Variants in TRAF3IP1 observed in about 807,000 individuals in gnomAD.
TRAF3IP1 encodes the protein intraflagellar transport 54.
In TRAF3IP1, 53 loss-of-function variants were observed where a neutral mutation model predicts 89.9. The ratio of observed to expected loss-of-function variants is 0.59; its 90% CI spans 0.47 to 0.74. The LOEUF (loss-of-function observed/expected upper bound fraction) is 0.74. TRAF3IP1 is among the 30% of genes least tolerant of loss of function. The probability of loss-of-function intolerance (pLI) is 0.00; values close to 1 mark genes in which losing one functional copy is unlikely to be tolerated. For synonymous variants in TRAF3IP1, 311 were observed against 322.1 expected, an observed-to-expected ratio of 0.97 and a Z score of 0.37; for missense variants, 806 against 866.1, an observed-to-expected ratio of 0.93 and a Z score of 0.87.
chr2:238,367,658 C>T (rs1404885959), intron 15 of TRAF3IP1, among the ~76,000 whole-genome samples: 5 of 152,170 alleles, frequency 3.3e-5, no homozygotes, highest in Admixed American at 1.3e-4. Flanking sequence ...GCCACCGAGC[C>T]CTCTCTGTGC....
intron 15 of TRAF3IP1, among the ~76,000 whole-genome samples, chr2:238,390,490 T>C (rs76407111): frequency 0.014 from 2,063 of 152,312 alleles, 27 homozygotes; most frequent in Middle Eastern, 0.031. Context: ...ATAAATACTT[T>C]TTTCACTGTG....
In TRAF3IP1 at chr2:238,399,146, G is replaced by C; in HGVS notation, c.*227G>C. On this transcript the variant is annotated 3_prime_UTR_variant, in exon 17 of 17. Transcript: ENST00000373327. ...GGAATACTGGCTAGTTATAAATAGC[G>C]CTTCCAAACACCTCTGTGAAAAGTT... The C allele has an allele frequency of 2.3e-6, 1 of 426,358 alleles. No homozygotes were observed. The highest frequency in any genetic ancestry group is 4.1e-6 in the Non-Finnish European group (1 of 242,746). 26.4% of individuals were successfully genotyped at this position (426,358 alleles called of 1,614,324 possible). A position where few individuals can be genotyped will look rare whatever the true frequency, so the allele number is the denominator to read the frequency against.
rs866887484 is a variant in TRAF3IP1 at position 238,396,033 on chromosome 2, A to G, written c.1690-1426A>G. 3.4e-3 allele frequency among the ~76,000 whole-genome samples: 525 copies of G among 152,328 alleles called. 2 individuals carry two copies. Among genetic ancestry groups the G allele is most frequent in the Middle Eastern group, 6.8e-3 (2 of 294 alleles). ...ACCCAGCCATCCCATTACTGGGTAT[A>G]TACCCAAAGGATTATAAATCATGCT... On this transcript the variant is annotated intron_variant, in intron 15 of 16. Transcript: ENST00000373327.
chr2:238,353,151 T>TC (rs1559372496), intron 13 of TRAF3IP1, 22 bp from the exon 14 acceptor site: 1 of 1,614,122 alleles, frequency 6.2e-7, no homozygotes, highest in East Asian at 2.2e-5. Context: ...ATCTTCTTTT[T>TC]CCCCCTTCCT....
At chr2:238,358,410 C>T (rs1250281439) in intron 15 of TRAF3IP1, among the ~76,000 whole-genome samples, 1 of 152,146 alleles carries the variant, frequency 6.6e-6, no homozygotes. Context: ...GTGGTGCACA[C>T]TTGTAGTCCC....
chr2:238,384,113 T>C, intron 15 of TRAF3IP1, among the ~76,000 whole-genome samples: 1 of 152,150 alleles, frequency 6.6e-6, no homozygotes, highest in Admixed American at 6.5e-5. Flanking sequence ...GGCACCCTCA[T>C]GCTCCTCCAT....
chr2:238,337,327 ATGCAGGTG>A (rs1698431576), intron 7 of TRAF3IP1, among the ~76,000 whole-genome samples: 2 of 152,248 alleles, frequency 1.3e-5, no homozygotes, highest in East Asian at 3.9e-4. Flanking sequence ...GAAGGAGGAC[ATGCAGGTG>A]TGTGAGTGGT....
chr2:238,371,658 C>T (rs1700116806), intron 15 of TRAF3IP1, among the ~76,000 whole-genome samples: 1 of 152,206 alleles, frequency 6.6e-6, no homozygotes, highest in South Asian at 2.1e-4. Flanking sequence ...TATTAGAAAA[C>T]TGACGAATCC....
intron 8 of TRAF3IP1, among the ~76,000 whole-genome samples, chr2:238,339,023 C>T (rs1698511809): frequency 6.6e-6 from 1 of 152,194 alleles, no homozygotes; most frequent in African/African-American, 2.4e-5. Flanking sequence ...TAGAATTCTT[C>T]AGTTTCACTT....
intron 3 of TRAF3IP1, 46 bp from the exon 4 acceptor site, chr2:238,328,640 A>C (rs779310630): frequency 6.3e-7 from 1 of 1,591,794 alleles, no homozygotes; most frequent in African/African-American, 1.3e-5. Flanking sequence ...ACGTGTGCGG[A>C]TCTCATTTCA....
intron 5 of TRAF3IP1, among the ~76,000 whole-genome samples, chr2:238,331,868 A>G (rs1698143899): frequency 6.6e-6 from 1 of 152,224 alleles, no homozygotes; most frequent in Non-Finnish European, 1.5e-5. Flanking sequence ...GTTCTGCCTC[A>G]GTCATTCTTT....
chr2:238,396,274 C>A (rs2106384285), intron 15 of TRAF3IP1, among the ~76,000 whole-genome samples: 1 of 150,066 alleles, frequency 6.7e-6, no homozygotes, highest in Middle Eastern at 3.4e-3. Flanking sequence ...CAAACTGTCG[C>A]AAGGACAAAA....
chr2:238,329,228 A>G lies in TRAF3IP1; in HGVS notation c.801A>G (p.Arg267=), dbSNP rs1382599492. The change falls in exon 5 of 17, where the codon CGA becomes CGG. Residue 267 remains arginine, a synonymous_variant. Transcript: ENST00000373327. ...KEKERLRDRD[R]ERDRDKGKDR... is the part of the protein sequence containing the mutation. ...AGGAGAGACTGAGAGACAGGGACCG[A>G]GAGCGCGACCGGGACAAAGGGAAGG... 4.5e-6 allele frequency: 7 copies of G among 1,554,472 alleles called. No individual in the cohort carries two copies. Among genetic ancestry groups the G allele is most frequent in the Non-Finnish European group, 5.2e-6 (6 of 1,155,314 alleles).
At chr2:238,369,740 G>A (rs902349105) in intron 15 of TRAF3IP1, among the ~76,000 whole-genome samples, 13 of 152,174 alleles carry the variant, frequency 8.5e-5, no homozygotes, top group Non-Finnish European at 1.9e-4. Flanking sequence ...CAGTCAAGCC[G>A]CTCCTTTTCT....
chr2:238,393,002 G>A (rs550824032), intron 15 of TRAF3IP1, among the ~76,000 whole-genome samples: 3 of 152,336 alleles, frequency 2.0e-5, no homozygotes, highest in Non-Finnish European at 4.4e-5. Flanking sequence ...TAAAGCATCC[G>A]CATGCATTTG....
chr2:238,354,475 C>A (rs542668219), intron 14 of TRAF3IP1, among the ~76,000 whole-genome samples: 3 of 152,136 alleles, frequency 2.0e-5, no homozygotes, highest in Non-Finnish European at 4.4e-5. Flanking sequence ...TTTATATATG[C>A]ATCTCTTCCA....
Position 238,347,494 on chromosome 2 carries a change from T to C in TRAF3IP1, c.1282+19T>C. On this transcript the variant is annotated intron_variant, in intron 10 of 16. Coordinates refer to ENST00000373327, the MANE Select transcript of TRAF3IP1 (RefSeq NM_015650.4). ...GATGCAGGTGAGGAATGGCCTTAGA[T>C]ACCTGTGTGTCATATCAATTGTATG... 1 of 1,613,876 alleles carries C rather than the reference T, an allele frequency of 6.2e-7. No homozygotes were observed. The highest frequency in any genetic ancestry group is 8.5e-7 in the Non-Finnish European group (1 of 1,179,754).
chr2:238,347,581 G>A, intron 10 of TRAF3IP1, 106 bp downstream of exon 10: 1 of 1,123,272 alleles, frequency 8.9e-7, no homozygotes, highest in Non-Finnish European at 1.3e-6. Context: ...ATTAGTGAAA[G>A]TAACTTATTT....
intron 10 of TRAF3IP1, among the ~76,000 whole-genome samples, chr2:238,348,180 C>T (rs1281701350): frequency 6.7e-6 from 1 of 150,170 alleles, no homozygotes; most frequent in Non-Finnish European, 1.5e-5. Context: ...ATATGGTATA[C>T]CAATGTAGAA....
Sources: allele counts gnomAD v4.1 joint callset (sites outside exome capture counted in the v4.1 genomes callset), GRCh38; gene constraint gnomAD v4.1.1; transcripts MANE v1.5; gene names NCBI Gene and HGNC (gene_info 2026-07-23, HGNC 2026-07-21).